Variants in CREB3L4 observed in about 807,000 individuals in gnomAD.
CREB3L4 encodes cyclic AMP-responsive element-binding protein 3-like protein 4.
In CREB3L4, 28 loss-of-function variants were observed where a neutral mutation model predicts 37.0. That is an observed-to-expected ratio of 0.76 (90% CI 0.56 to 1.04). The LOEUF is 1.04. Ranked by LOEUF, CREB3L4 falls within the 50% of genes least tolerant of loss-of-function variation. The pLI is 0.00. For missense variants in CREB3L4, 462 were observed against 486.0 expected, an observed-to-expected ratio of 0.95 and a Z score of 0.46; for synonymous variants, 175 against 192.2, an observed-to-expected ratio of 0.91 and a Z score of 0.74.
rs1368939439 is a variant in CREB3L4 at position 153,973,871 on chromosome 1, G to A, written c.995-1G>A. 7.4e-6 allele frequency: 12 copies of A among 1,613,874 alleles called. No individual in the cohort carries two copies. Among genetic ancestry groups the A allele is most frequent in the Non-Finnish European group, 1.0e-5 (12 of 1,179,860 alleles). Reference sequence around the variant, plus strand: ...ACTGCCCTCTTGCCTTCACCTCACAGTGACTTCCAGAAATATCCTGACCCA... The same window carrying A: ...ACTGCCCTCTTGCCTTCACCTCACAATGACTTCCAGAAATATCCTGACCCA... On this transcript the variant is annotated splice_acceptor_variant, in intron 9 of 9. Transcript: ENST00000368607. LOFTEE classifies it high-confidence loss of function.
rs781703660 is a variant in CREB3L4 at position 153,972,792 on chromosome 1, G to C, written c.592G>C (p.Gly198Arg). ...GACCGATGAGGAGAAGCGTCTGCTGGGGCAGGAAGGGGTTTCCCTGCCCTC... is the reference window on the plus strand; with the variant it reads ...GACCGATGAGGAGAAGCGTCTGCTGCGGCAGGAAGGGGTTTCCCTGCCCTC... ...FLTDEEKRLL[G>R]QEGVSLPSHL... The change falls in exon 5 of 10, where the codon GGG (glycine) becomes CGG (arginine). Residue 198 changes from glycine (G) to arginine (R), a missense_variant. Gly to Arg is a moderately radical substitution (Grantham distance 125). Coordinates refer to ENST00000368607, the MANE Select transcript of CREB3L4 (RefSeq NM_001255978.2). The C allele has an allele frequency of 2.5e-6, 4 of 1,613,930 alleles. No individual in the cohort carries two copies. Among genetic ancestry groups the C allele is most frequent in the Admixed American group, 3.3e-5 (2 of 60,010 alleles).
chr1:153,972,298 C>T (rs908878359), intron 4 of CREB3L4, among the ~76,000 whole-genome samples: 6 of 152,160 alleles, frequency 3.9e-5, no homozygotes, highest in South Asian at 4.1e-4. Context: ...GGGCCACTGC[C>T]CCAGGGAGCT....
intron 4 of CREB3L4, 39 bp from the exon 5 acceptor site, chr1:153,972,704 TC>T (rs1648495872): frequency 1.3e-6 from 2 of 1,542,636 alleles, no homozygotes; most frequent in Non-Finnish European, 1.8e-6. Context: ...GATGACCCCC[TC>T]CTCACTCCTA....
chr1:153,971,825 A>G (rs1246807522), intron 4 of CREB3L4, among the ~76,000 whole-genome samples: 2 of 151,796 alleles, frequency 1.3e-5, no homozygotes, highest in African/African-American at 4.8e-5. Context: ...TGAAGCATAC[A>G]TCTTTTTTTT....
chr1:153,971,802 G>C (rs1188222130), intron 4 of CREB3L4, among the ~76,000 whole-genome samples: 1 of 151,890 alleles, frequency 6.6e-6, no homozygotes, highest in Non-Finnish European at 1.5e-5. Flanking sequence ...TAAATTCTCT[G>C]TAAGTCACAA....
chr1:153,972,230 GTA>G (rs1648443119), intron 4 of CREB3L4, among the ~76,000 whole-genome samples: 1 of 152,178 alleles, frequency 6.6e-6, no homozygotes, highest in African/African-American at 2.4e-5. Flanking sequence ...GAAGCTCCTT[GTA>G]TGAGAGGGGA....
chr1:153,969,439 T>A lies in CREB3L4; in HGVS notation c.527T>A (p.Val176Glu), dbSNP rs1648124256. The A allele has an allele frequency of 1.2e-6, 2 of 1,614,134 alleles. No individual in the cohort carries two copies. The highest frequency in any genetic ancestry group is 8.5e-7 in the Non-Finnish European group (1 of 1,179,992). Reference sequence around the variant, plus strand: ...CCCAGAGCAGGCACCGTAGCCCCAGTGCCCTGTACAACCCTGGTGAGTCTT... The same window carrying A: ...CCCAGAGCAGGCACCGTAGCCCCAGAGCCCTGTACAACCCTGGTGAGTCTT... Reference protein sequence around the residue: ...ILPRAGTVAPVPCTTLLPCQT... With the variant: ...ILPRAGTVAPEPCTTLLPCQT... Residue 176 changes from valine to glutamate, a missense_variant, in exon 4 of 10, where the codon GTG becomes GAG. Transcript: ENST00000368607.
chr1:153,968,851 G>A (rs1412687351), intron 2 of CREB3L4, 79 bp from the exon 3 acceptor site: 2 of 1,530,578 alleles, frequency 1.3e-6, no homozygotes, highest in African/African-American at 2.8e-5. Flanking sequence ...AGAAGTGAAA[G>A]GACTGAAAAT....
At position 153,973,991 on chromosome 1, in the gene CREB3L4, C is replaced by G; in HGVS notation, c.1114C>G (p.Leu372Val). The G allele has an allele frequency of 6.2e-7, 1 of 1,614,174 alleles. No homozygotes were observed. The highest frequency in any genetic ancestry group is 8.5e-7 in the Non-Finnish European group (1 of 1,180,018). The change falls in exon 10 of 10, where the codon CTG becomes GTG. Residue 372 changes from leucine (L) to valine (V), a missense_variant. Physicochemically the swap from Leu to Val is conservative, Grantham distance 32. Coordinates refer to ENST00000368607, the MANE Select transcript of CREB3L4 (RefSeq NM_001255978.2). ...GGATGCAAATGGCTCAACAAGGACACTGCTTGAGAAGATGGGAGGGAAGCC... is the reference window on the plus strand; with the variant it reads ...GGATGCAAATGGCTCAACAAGGACAGTGCTTGAGAAGATGGGAGGGAAGCC... ...AKDANGSTRTLLEKMGGKPRP... is the reference protein window; with the variant it reads ...AKDANGSTRTVLEKMGGKPRP...
At chr1:153,972,627 T>C in intron 4 of CREB3L4, 117 bp from the exon 5 acceptor site, 1 of 732,298 alleles carries the variant, frequency 1.4e-6, no homozygotes, top group South Asian at 1.8e-5. Context: ...TAGATTAAAG[T>C]TGTCTCCCAG....
At chr1:153,973,123 C>T (rs1338137592) in intron 6 of CREB3L4, 45 bp downstream of exon 6, 2 of 1,611,320 alleles carry the variant, frequency 1.2e-6, no homozygotes, top group African/African-American at 1.3e-5. Flanking sequence ...ATGTCTGGGC[C>T]CCTTCCTCAC....
intron 4 of CREB3L4, among the ~76,000 whole-genome samples, chr1:153,970,205 G>A (rs1234773511): frequency 1.3e-5 from 2 of 152,176 alleles, no homozygotes; most frequent in South Asian, 4.1e-4. Flanking sequence ...GGGATTACAG[G>A]TGTGAGCCAC....
At chr1:153,968,817 G>T (rs1648039754) in intron 2 of CREB3L4, 113 bp from the exon 3 acceptor site, 1 of 1,524,672 alleles carries the variant, frequency 6.6e-7, no homozygotes, top group Admixed American at 1.9e-5. Flanking sequence ...GACGTAAGTT[G>T]TATAATAACT....
At position 153,972,836 on chromosome 1, in the gene CREB3L4, G is replaced by C. The variant is rs146452039; in HGVS notation, c.636G>C (p.Lys212Asn). 2.7e-5 allele frequency: 44 copies of C among 1,613,504 alleles called. No individual in the cohort carries two copies. In the African/African-American group the frequency reaches 5.5e-4, roughly 20 times the overall value. The change falls in exon 5 of 10, where the codon AAG becomes AAC. Residue 212 changes from lysine (K) to asparagine (N), a missense_variant and splice_region_variant. Transcript: ENST00000368607. The part of the protein sequence containing the change: ...VSLPSHLPLT[K>N]AEERVLKKVR... Reference sequence around the variant, plus strand: ...TGCCCTCTCACCTGCCCCTCACCAAGGTAACATGCTTCCCCTAAGGGTATC... The same window carrying C: ...TGCCCTCTCACCTGCCCCTCACCAACGTAACATGCTTCCCCTAAGGGTATC...
rs781703660 is a variant in CREB3L4, at chr1:153,972,792, G to A, written c.592G>A (p.Gly198Arg). ...FLTDEEKRLL[G>R]QEGVSLPSHL... The stretch of plus-strand genomic sequence containing the variant: ...GACCGATGAGGAGAAGCGTCTGCTG[G>A]GGCAGGAAGGGGTTTCCCTGCCCTC... The change falls in exon 5 of 10, where the codon GGG (glycine) becomes AGG (arginine). Residue 198 changes from glycine to arginine, a missense_variant. By Grantham distance (125) the Gly-to-Arg change is moderately radical. Coordinates refer to ENST00000368607, the MANE Select transcript of CREB3L4 (RefSeq NM_001255978.2). The A allele has an allele frequency of 6.2e-7, 1 of 1,613,930 alleles. No homozygotes were observed. Among genetic ancestry groups the A allele is most frequent in the South Asian group, 1.1e-5 (1 of 91,054 alleles).
rs373669069 is a variant in CREB3L4, at chr1:153,973,082, C to A, written c.743+4C>A. The A allele has an allele frequency of 4.5e-5, 73 of 1,613,908 alleles. No individual in the cohort carries two copies. The highest frequency in any genetic ancestry group is 5.8e-5 in the Non-Finnish European group (69 of 1,179,790). ...ACATTGATGGGCTGGAGAGCAGGTA[C>A]GCCTGGGTTATTTCTGGCTTCTTGT... On this transcript the variant is annotated splice_donor_region_variant and intron_variant, in intron 6 of 9. Transcript: ENST00000368607.
chr1:153,971,078 A>C (rs1014795520), intron 4 of CREB3L4, among the ~76,000 whole-genome samples: 3 of 74,462 alleles, frequency 4.0e-5, no homozygotes, highest in African/African-American at 1.6e-4. Context: ...AACCTTTAAA[A>C]GTCTGATGCC....
At chr1:153,968,280 T>G in intron 1 of CREB3L4, 116 bp downstream of exon 1, 2 of 425,634 alleles carry the variant, frequency 4.7e-6, no homozygotes. Flanking sequence ...CGGGCTATGC[T>G]GGCTTGACAG....
rs780435593 is a variant in CREB3L4, at chr1:153,974,025, G to A, written c.1148G>A (p.Ser383Asn). The part of the protein sequence containing the change: ...LEKMGGKPRP[S>N]GRIRSVLHAD... ...AAGATGGGAGGGAAGCCAAGACCCA[G>A]TGGGCGCATCCGGTCCGTGCTGCAT... The change falls in exon 10 of 10, where the codon AGT becomes AAT. Residue 383 changes from serine to asparagine, a missense_variant. By Grantham distance (46) the Ser-to-Asn change is conservative (BLOSUM62 1). Transcript: ENST00000368607. 4 of 1,614,034 alleles carry A rather than the reference G, an allele frequency of 2.5e-6. No homozygotes were observed. The highest frequency in any genetic ancestry group is 2.7e-5 in the African/African-American group (2 of 74,940).
Sources: allele counts gnomAD v4.1 joint callset (sites outside exome capture counted in the v4.1 genomes callset), GRCh38; gene constraint gnomAD v4.1.1; transcripts MANE v1.5; gene names NCBI Gene and HGNC (gene_info 2026-07-23, HGNC 2026-07-21).